The following TENM2 variants were observed in gnomAD, a reference collection of about 807,000 sequenced individuals.
TENM2 encodes the protein teneurin-2.
TENM2 carries 52 observed loss-of-function variants against 245.2 expected under a neutral mutation model. That is an observed-to-expected ratio of 0.21 (90% CI 0.17 to 0.27). The LOEUF is 0.27. Among genes scored for constraint, TENM2 ranks in the 10% least tolerant of loss-of-function variants. The probability of loss-of-function intolerance (pLI) is 1.00; values close to 1 mark genes in which losing one functional copy is unlikely to be tolerated. For missense variants in TENM2, 3,046 were observed against 3,666.8 expected, an observed-to-expected ratio of 0.83 and a Z score of 4.37; for synonymous variants, 1,363 against 1,438.9, an observed-to-expected ratio of 0.95 and a Z score of 1.19.
intron 3 of TENM2, chr5:167,934,953 G>T (rs1778585334): frequency 1.0e-6 from 1 of 978,364 alleles, no homozygotes; most frequent in African/African-American, 1.8e-5. Context: ...TTGACTTTCT[G>T]AGACTGGAAG....
chr5:167,100,117 A>G, the TENM2 span, among the ~76,000 whole-genome samples: 1 of 152,190 alleles, frequency 6.6e-6, no homozygotes, highest in African/African-American at 2.4e-5. Context: ...CCCTATGTAA[A>G]GATGGCCTTG....
intron 1 of TENM2, among the ~76,000 whole-genome samples, chr5:167,335,511 C>T (rs1318209979): frequency 2.6e-5 from 4 of 152,154 alleles, no homozygotes; most frequent in African/African-American, 9.7e-5. Context: ...CCCCTGCTTT[C>T]ACCTCTACCA....
At chr5:168,189,518 A>G (rs993359031) in intron 13 of TENM2, among the ~76,000 whole-genome samples, 1 of 152,212 alleles carries the variant, frequency 6.6e-6, no homozygotes, top group African/African-American at 2.4e-5. Flanking sequence ...CAAGTGCATA[A>G]TAATGTTCCG....
At chr5:168,111,067 A>G (rs938982484) in intron 9 of TENM2, among the ~76,000 whole-genome samples, 12 of 152,138 alleles carry the variant, frequency 7.9e-5, no homozygotes, top group African/African-American at 2.9e-4. Flanking sequence ...TTTTAACCCG[A>G]TTTCCACTTA....
chr5:167,510,089 C>A (rs1286193992), intron 2 of TENM2, among the ~76,000 whole-genome samples: 2 of 152,184 alleles, frequency 1.3e-5, no homozygotes, highest in African/African-American at 4.8e-5. Flanking sequence ...CCTAGCACAG[C>A]ACTTGGCACA....
At chr5:167,649,677 G>A (rs1411322002) in intron 2 of TENM2, among the ~76,000 whole-genome samples, 1 of 152,166 alleles carries the variant, frequency 6.6e-6, no homozygotes, top group African/African-American at 2.4e-5. Flanking sequence ...TGATATGGAT[G>A]TGTTTTTGAG....
intron 1 of TENM2, among the ~76,000 whole-genome samples, chr5:167,335,166 AC>A: frequency 6.6e-6 from 1 of 152,266 alleles, no homozygotes; most frequent in Admixed American, 6.5e-5. Context: ...GGGAGCTTTG[AC>A]TCATGGCAGA....
At chr5:167,001,210 T>C in the TENM2 span, among the ~76,000 whole-genome samples, 2 of 152,192 alleles carry the variant, frequency 1.3e-5, no homozygotes, top group African/African-American at 4.8e-5. Context: ...GAAAAGAGTT[T>C]GGTCTCATTG....
chr5:167,411,046 G>T (rs998792588), intron 2 of TENM2, among the ~76,000 whole-genome samples: 2 of 152,028 alleles, frequency 1.3e-5, no homozygotes, highest in African/African-American at 4.8e-5. Context: ...AACATATTTG[G>T]TCAACTTAGA....
chr5:167,433,062 T>A (rs1764342594), intron 2 of TENM2, among the ~76,000 whole-genome samples: 1 of 152,186 alleles, frequency 6.6e-6, no homozygotes, highest in Non-Finnish European at 1.5e-5. Context: ...AAGACAACAA[T>A]TTATTGTTGT....
intron 2 of TENM2, among the ~76,000 whole-genome samples, chr5:167,436,144 A>C (rs1764544730): frequency 6.6e-6 from 1 of 151,454 alleles, no homozygotes; most frequent in Admixed American, 6.6e-5. Flanking sequence ...ACACCCGGCT[A>C]ATTTTTGTAT....
chr5:167,130,149 G>A, the TENM2 span, among the ~76,000 whole-genome samples: 1 of 152,020 alleles, frequency 6.6e-6, no homozygotes, highest in African/African-American at 2.4e-5. Flanking sequence ...CAATGGCTTG[G>A]GCACAACTAA....
chr5:168,167,500 G>A (rs1277326455), intron 13 of TENM2, among the ~76,000 whole-genome samples: 2 of 152,178 alleles, frequency 1.3e-5, no homozygotes, highest in African/African-American at 2.4e-5. Context: ...GTGGGCAGCG[G>A]TGACAGTGGA....
chr5:168,118,399 A>T (rs750482369), exon 10 of TENM2: 1 of 1,611,778 alleles, frequency 6.2e-7, no homozygotes, highest in African/African-American at 1.3e-5. Context: ...GAATCAGTGC[A>T]TCGATCCTTC....
At chr5:168,225,893 C>T (rs1369787618) in intron 23 of TENM2, among the ~76,000 whole-genome samples, 195 bp from the exon 26 acceptor site, 4 of 152,026 alleles carry the variant, frequency 2.6e-5, no homozygotes, top group South Asian at 2.1e-4. Context: ...GTTATATCAG[C>T]GGGTAGAAGA....
chr5:167,684,044 G>A (rs756311819), intron 2 of TENM2, among the ~76,000 whole-genome samples: 6 of 152,120 alleles, frequency 3.9e-5, no homozygotes, highest in African/African-American at 4.8e-5. Context: ...TGCAGCTGGC[G>A]AAAGAACCAC....
chr5:167,082,220 T>C, the TENM2 span, among the ~76,000 whole-genome samples: 1 of 152,170 alleles, frequency 6.6e-6, no homozygotes, highest in Non-Finnish European at 1.5e-5. Flanking sequence ...TCAGTAGTGG[T>C]ATGGGAGGAC....
At chr5:167,203,695 A>G in the TENM2 span, among the ~76,000 whole-genome samples, 5 of 152,200 alleles carry the variant, frequency 3.3e-5, no homozygotes, top group African/African-American at 1.2e-4. Context: ...ACAAGCTATG[A>G]TGATAGGACT....
intron 4 of TENM2, among the ~76,000 whole-genome samples, chr5:167,970,829 T>C (rs2151920999): frequency 1.3e-5 from 2 of 152,266 alleles, no homozygotes; most frequent in Admixed American, 1.3e-4. Context: ...TTAGAGGTTG[T>C]AAGCTTCAGT....
Sources: gnomAD v4.1 joint callset for allele counts (sites outside exome capture counted in the v4.1 genomes callset) on GRCh38, gnomAD v4.1.1 for gene constraint, MANE v1.5 for transcripts, NCBI Gene and HGNC (gene_info 2026-07-23, HGNC 2026-07-21) for gene names.